The following CCDC7 variants were observed in gnomAD, a reference collection of about 807,000 sequenced individuals.
The protein encoded by CCDC7 is coiled-coil domain-containing protein 7.
CCDC7 carries 183 observed loss-of-function variants against 196.9 expected under a neutral mutation model. The ratio of observed to expected loss-of-function variants is 0.93; its 90% CI spans 0.82 to 1.05. CCDC7 has a LOEUF of 1.05. CCDC7 is among the 50% of genes least tolerant of loss of function. The pLI, the probability that CCDC7 is intolerant of heterozygous loss-of-function variation, is 0.00. For missense variants in CCDC7, 1,540 were observed against 1,482.2 expected (o/e 1.04, Z -0.64); for synonymous variants, 525 against 484.6 (o/e 1.08, Z -1.10).
chr10:32,636,707 A>G (rs1174024665), intron 20 of CCDC7, among the ~76,000 whole-genome samples: 2 of 152,182 alleles, frequency 1.3e-5, no homozygotes, highest in Non-Finnish European at 2.9e-5. Context: ...ATGTGTCTTT[A>G]TAGGAGCATG....
chr10:32,814,219 A>G (rs2087846869), intron 30 of CCDC7, 151 bp from the exon 32 acceptor site: 1 of 530,648 alleles, frequency 1.9e-6, no homozygotes, highest in Non-Finnish European at 3.4e-6. Context: ...TGGCCTCCCA[A>G]AGTGCTGGGA....
chr10:32,845,988 AT>A, intron 36 of CCDC7, 29 bp downstream of exon 37: 1 of 1,457,298 alleles, frequency 6.9e-7, no homozygotes, highest in Non-Finnish European at 9.6e-7. Flanking sequence ...CAAGTCTAAT[AT>A]TTAGGCTTAT....
chr10:32,573,574 C>T (rs1343961924), intron 16 of CCDC7, among the ~76,000 whole-genome samples: 1 of 152,016 alleles, frequency 6.6e-6, no homozygotes, highest in Non-Finnish European at 1.5e-5. Context: ...TTCTACTTTT[C>T]TGATAAGTCA....
intron 13 of CCDC7, among the ~76,000 whole-genome samples, chr10:32,562,028 C>T (rs1432589159): frequency 3.3e-5 from 5 of 152,082 alleles, no homozygotes; most frequent in African/African-American, 9.7e-5. Context: ...AACACCTCTC[C>T]GCAAATAAAC....
intron 11 of CCDC7, among the ~76,000 whole-genome samples, chr10:32,533,068 G>A (rs1239997815): frequency 1.3e-5 from 2 of 151,852 alleles, no homozygotes; most frequent in Non-Finnish European, 2.9e-5. Flanking sequence ...TTGTGGTTAA[G>A]TAATTTTTTA....
At chr10:32,784,335 G>A (rs921497072) in intron 29 of CCDC7, among the ~76,000 whole-genome samples, 1 of 152,024 alleles carries the variant, frequency 6.6e-6, no homozygotes, top group South Asian at 2.1e-4. Context: ...CAGGTATTAA[G>A]CCTGGCATGC....
rs372040541 is a variant in CCDC7 at position 32,456,370 on chromosome 10, T to C, written c.456+36T>C. On this transcript the variant is annotated intron_variant, in intron 3 of 41. Coordinates refer to ENST00000639629, the Ensembl canonical transcript of CCDC7. ...TGTATATACTGTCAAGTATAAAATA[T>C]CAAACTTGTACTGGTTGTTGAAAAT... The C allele has an allele frequency of 9.8e-6, 14 of 1,431,588 alleles. No individual in the cohort carries two copies. In the African/African-American group the frequency reaches 1.6e-4, roughly 16 times the overall value. The allele number at this position is 1,431,588 out of a possible 1,614,324, so 88.7% of individuals were successfully genotyped here.
chr10:32,617,250 CATTG>C (rs1264524872), intron 18 of CCDC7, among the ~76,000 whole-genome samples: 2 of 151,534 alleles, frequency 1.3e-5, no homozygotes, highest in African/African-American at 2.4e-5. Context: ...CTTTTTGTTT[CATTG>C]ATTATTTGTG....
exon 2 of CCDC7, chr10:32,453,365 A>ACAG: frequency 6.6e-7 from 1 of 1,507,458 alleles, no homozygotes; most frequent in Non-Finnish European, 8.9e-7. Flanking sequence ...TTTGGAAGAA[A>ACAG]CCTATGGACA....
At chr10:32,480,832 A>G (rs1380263828) in intron 8 of CCDC7, among the ~76,000 whole-genome samples, 1 of 152,178 alleles carries the variant, frequency 6.6e-6, no homozygotes, top group Non-Finnish European at 1.5e-5. Context: ...CTGCTGTTGA[A>G]TGGACTATCT....
At chr10:32,758,724 A>T (rs1475231384) in intron 28 of CCDC7, among the ~76,000 whole-genome samples, 1 of 152,156 alleles carries the variant, frequency 6.6e-6, no homozygotes, top group African/African-American at 2.4e-5. Context: ...CCTATTCAAC[A>T]TAGTGTTGAA....
At chr10:32,493,341 C>CT (rs2042424538) in intron 9 of CCDC7, among the ~76,000 whole-genome samples, 2 of 150,892 alleles carry the variant, frequency 1.3e-5, no homozygotes, top group South Asian at 4.2e-4. Flanking sequence ...GGATTTCCTT[C>CT]TTTTTAAGGC....
chr10:32,572,866 C>CT (rs576270039), intron 16 of CCDC7, among the ~76,000 whole-genome samples: 15,364 of 90,390 alleles, frequency 0.17, 2,096 homozygotes, highest in East Asian at 0.33. Context: ...AAGCATGGTG[C>CT]TTTTTTTTTT....
intron 13 of CCDC7, among the ~76,000 whole-genome samples, chr10:32,548,247 C>G (rs1307859276): frequency 6.6e-6 from 1 of 152,082 alleles, no homozygotes; most frequent in African/African-American, 2.4e-5. Context: ...TTGGACCGCA[C>G]AGTCTAAGCT....
At chr10:32,802,117 T>C (rs557998878) in intron 29 of CCDC7, among the ~76,000 whole-genome samples, 2 of 152,292 alleles carry the variant, frequency 1.3e-5, no homozygotes, top group Admixed American at 1.3e-4. Context: ...AAGATAAGAC[T>C]CTCACTTAGG....
At chr10:32,726,895 T>C (rs2083212587) in intron 26 of CCDC7, 63 bp downstream of exon 27, 2 of 975,158 alleles carry the variant, frequency 2.1e-6, no homozygotes, top group Non-Finnish European at 3.0e-6. Flanking sequence ...AGAAGATCTT[T>C]GCCTTTGATT....
chr10:32,711,050 A>G (rs2080739947), intron 24 of CCDC7, among the ~76,000 whole-genome samples: 1 of 152,120 alleles, frequency 6.6e-6, no homozygotes, highest in Non-Finnish European at 1.5e-5. Flanking sequence ...CATAAACCAT[A>G]TATATTCATC....
chr10:32,725,296 G>C, intron 25 of CCDC7: 1 of 470,254 alleles, frequency 2.1e-6, no homozygotes, highest in Non-Finnish European at 4.4e-6. Context: ...AAATTGCTTA[G>C]CATATACTAC....
intron 29 of CCDC7, 22 bp downstream of exon 30, chr10:32,779,106 G>C: frequency 6.9e-7 from 1 of 1,449,884 alleles, no homozygotes; most frequent in East Asian, 2.5e-5. Context: ...TTTATGTTTG[G>C]ATACAGTAGA....
Sources: allele counts gnomAD v4.1 joint callset (sites outside exome capture counted in the v4.1 genomes callset), GRCh38; gene constraint gnomAD v4.1.1; transcripts MANE v1.5; gene names NCBI Gene and HGNC (gene_info 2026-07-23, HGNC 2026-07-21).